The following ATP2A2 variants were observed in gnomAD, a reference collection of about 807,000 sequenced individuals.
ATP2A2 encodes sarcoplasmic/endoplasmic reticulum calcium ATPase 2.
A neutral mutation model predicts 109.3 loss-of-function variants in ATP2A2; 14 were observed. The ratio of observed to expected loss-of-function variants is 0.13; its 90% CI spans 0.08 to 0.20. The LOEUF is 0.20. Among genes scored for constraint, ATP2A2 ranks in the 10% least tolerant of loss-of-function variants. The probability of loss-of-function intolerance (pLI) is 1.00; values close to 1 mark genes in which losing one functional copy is unlikely to be tolerated. For missense variants in ATP2A2, 657 were observed against 1,321.6 expected (o/e 0.50, Z 7.80); for synonymous variants, 506 against 490.9 (o/e 1.03, Z -0.41).
Position 110,349,820 on chromosome 12 carries a change from A to G in ATP2A2, c.*3350A>G, listed in dbSNP as rs904445335. On this transcript the variant is annotated 3_prime_UTR_variant, in exon 20 of 20. Coordinates refer to ENST00000539276, the MANE Select transcript of ATP2A2 (RefSeq NM_170665.4). ...GGGTAGGCTTCACCCTCCTTTACTG[A>G]GGAGAATGATGCGGAGGAGTTTCCT... 59 of 1,040,596 alleles carry G rather than the reference A, an allele frequency of 5.7e-5. No homozygotes were observed. The highest frequency in any genetic ancestry group is 6.7e-5 in the Non-Finnish European group (58 of 862,960). 64.5% of individuals were successfully genotyped at this position (1,040,596 alleles called of 1,614,324 possible).
Position 110,349,470 on chromosome 12 carries a change from C to A in ATP2A2, c.*3000C>A. On this transcript the variant is annotated 3_prime_UTR_variant, in exon 20 of 20. Transcript: ENST00000539276. Reference sequence around the variant, plus strand: ...AGACCAACAATCATACATACCCTAACTGGGACACCACTCTGCAGAATGCAG... The same window carrying A: ...AGACCAACAATCATACATACCCTAAATGGGACACCACTCTGCAGAATGCAG... 3.0e-6 allele frequency: 3 copies of A among 985,570 alleles called. No individual in the cohort carries two copies. The highest frequency in any genetic ancestry group is 3.6e-6 in the Non-Finnish European group (3 of 830,016). The allele number at this position is 985,570 out of a possible 1,614,324, so 61.1% of individuals were successfully genotyped here.
At chr12:110,338,775 C>G (rs1338485197) in intron 11 of ATP2A2, among the ~76,000 whole-genome samples, 1 of 152,198 alleles carries the variant, frequency 6.6e-6, no homozygotes, top group African/African-American at 2.4e-5. Context: ...TCTTAAAAGC[C>G]AAATGCCCCA....
At chr12:110,291,107 C>T (rs545569754) in intron 3 of ATP2A2, among the ~76,000 whole-genome samples, 6 of 152,166 alleles carry the variant, frequency 3.9e-5, no homozygotes, top group African/African-American at 1.2e-4. Context: ...AGGGTTTCTT[C>T]GTGTTGGTCA....
At chr12:110,298,971 CT>C (rs918130473) in intron 5 of ATP2A2, among the ~76,000 whole-genome samples, 1 of 152,056 alleles carries the variant, frequency 6.6e-6, no homozygotes, top group African/African-American at 2.4e-5. Flanking sequence ...CCAGTTATCA[CT>C]TTTTTTGATG....
In ATP2A2 at chr12:110,296,757, TTTC is replaced by T. The variant is rs781332207; in HGVS notation, c.463+23_463+25del. On this transcript the variant is annotated intron_variant, in intron 5 of 19. Transcript: ENST00000539276. Reference sequence around the variant, plus strand: ...TTGCTGGTGAGTTGAGTTTGTCATTTTTCTTTTATTCTAGATAGTATTTCTGAA... The same window carrying T: ...TTGCTGGTGAGTTGAGTTTGTCATTTTTTTATTCTAGATAGTATTTCTGAA... 4.3e-6 allele frequency: 7 copies of T among 1,613,402 alleles called. No homozygotes were observed. Among genetic ancestry groups the T allele is most frequent in the Admixed American group, 3.3e-5 (2 of 60,028 alleles).
At chr12:110,330,965 T>G (rs569646169) in intron 8 of ATP2A2, 2 of 152,348 alleles carry the variant, frequency 1.3e-5, no homozygotes, top group South Asian at 4.1e-4. Flanking sequence ...CATTTTTGGC[T>G]GGGCACAGTG....
rs1006107761 is a variant in ATP2A2 at position 110,311,355 on chromosome 12, G to A, written c.464-11637G>A. Reference sequence around the variant, plus strand: ...CTGTAATCCCAGGTCTTTGGGAGGCGGAGGCGGGTGGATCACAAGATCAGG... The same window carrying A: ...CTGTAATCCCAGGTCTTTGGGAGGCAGAGGCGGGTGGATCACAAGATCAGG... On this transcript the variant is annotated intron_variant, in intron 5 of 19. Coordinates refer to ENST00000539276, the MANE Select transcript of ATP2A2 (RefSeq NM_170665.4). Among the ~76,000 whole-genome samples the A allele has an allele frequency of 3.3e-5, 5 of 152,012 alleles. No homozygotes were observed. In the South Asian group the frequency reaches 6.2e-4, roughly 19 times the overall value.
At chr12:110,289,131 T>A (rs535966703) in intron 3 of ATP2A2, among the ~76,000 whole-genome samples, 1 of 152,334 alleles carries the variant, frequency 6.6e-6, no homozygotes, top group Non-Finnish European at 1.5e-5. Context: ...CAGGGGATGT[T>A]GCTTTAAGTT....
chr12:110,344,856 G>T, intron 16 of ATP2A2, 30 bp from the exon 17 acceptor site: 1 of 1,608,698 alleles, frequency 6.2e-7, no homozygotes, highest in Non-Finnish European at 8.5e-7. Flanking sequence ...GCAGAGGCAA[G>T]TGCATCAGCA....
chr12:110,290,986 G>A (rs143260994), intron 3 of ATP2A2, among the ~76,000 whole-genome samples: 31 of 151,908 alleles, frequency 2.0e-4, no homozygotes, highest in African/African-American at 7.0e-4. Context: ...TTGGCTCACC[G>A]CAACCTCTGC....
chr12:110,318,232 T>C (rs1876872944), intron 5 of ATP2A2, among the ~76,000 whole-genome samples: 1 of 152,218 alleles, frequency 6.6e-6, no homozygotes, highest in South Asian at 2.1e-4. Context: ...ACCTTTACTT[T>C]CATGAACCTT....
In ATP2A2 at chr12:110,340,492, T is replaced by C. The variant is rs1041115720; in HGVS notation, c.1762-167T>C. ...GGCGGAGGTCGCAGTGAGCTGAGAT[T>C]GCGCCATGGCACTCCAGCCTGGGCA... On this transcript the variant is annotated intron_variant, in intron 13 of 19. Transcript: ENST00000539276. This position sits in a 1 kb window ranked among gnomAD's most constrained non-coding sequence, Gnocchi z 6.0. 1.4e-5 allele frequency among the ~76,000 whole-genome samples: 2 copies of C among 147,682 alleles called. No individual in the cohort carries two copies. The highest frequency in any genetic ancestry group is 1.4e-4 in the Admixed American group (2 of 14,644).
rs117376088 is a variant in ATP2A2 at position 110,348,750 on chromosome 12, G to T, written c.*2280G>T. On this transcript the variant is annotated 3_prime_UTR_variant, in exon 20 of 20. Coordinates refer to ENST00000539276, the MANE Select transcript of ATP2A2 (RefSeq NM_170665.4). ...AAGCCTCCAAGGCTGCTCGCAGGCA[G>T]CTGTGGCTCTCGGGAAGGGAGGCTG... The T allele has an allele frequency of 5.8e-3, 5,712 of 985,510 alleles. 15 individuals carry two copies. Among genetic ancestry groups the T allele is most frequent in the Non-Finnish European group, 6.5e-3 (5,418 of 829,994 alleles). 61.0% of individuals were successfully genotyped at this position (985,510 alleles called of 1,614,324 possible). A position where few individuals can be genotyped will look rare whatever the true frequency, so the allele number is the denominator to read the frequency against.
intron 5 of ATP2A2, among the ~76,000 whole-genome samples, chr12:110,321,768 A>G (rs1235793138): frequency 6.6e-6 from 1 of 152,120 alleles, no homozygotes; most frequent in Admixed American, 6.5e-5. Context: ...ATTCAGCAGT[A>G]TTTGAATACC....
chr12:110,286,371 C>A (rs1315294199), intron 3 of ATP2A2, among the ~76,000 whole-genome samples: 1 of 152,150 alleles, frequency 6.6e-6, no homozygotes, highest in Non-Finnish European at 1.5e-5. Context: ...TAATTTTCTT[C>A]TGTATCTTTT....
chr12:110,341,094 G>A, intron 14 of ATP2A2, 100 bp downstream of exon 14: 1 of 1,298,694 alleles, frequency 7.7e-7, no homozygotes, highest in Non-Finnish European at 1.1e-6. Context: ...TCCCTAATTT[G>A]GAATTTGTCA....
At chr12:110,287,689 A>G (rs1047238382) in intron 3 of ATP2A2, among the ~76,000 whole-genome samples, 3 of 152,040 alleles carry the variant, frequency 2.0e-5, no homozygotes, top group African/African-American at 4.8e-5. Context: ...ATCTTGGCTC[A>G]CTGCAACCTC....
intron 3 of ATP2A2, among the ~76,000 whole-genome samples, chr12:110,287,242 G>A (rs1404677750): frequency 6.6e-6 from 1 of 152,064 alleles, no homozygotes; most frequent in East Asian, 1.9e-4. Flanking sequence ...GACAAAGTGA[G>A]ACTCCGTCTC....
intron 5 of ATP2A2, among the ~76,000 whole-genome samples, chr12:110,313,522 C>G (rs1221079903): frequency 1.3e-5 from 2 of 151,310 alleles, no homozygotes; most frequent in African/African-American, 4.9e-5. Context: ...ACCATGTTAG[C>G]CAGGCTGGTC....
Sources: allele counts gnomAD v4.1 joint callset (sites outside exome capture counted in the v4.1 genomes callset), GRCh38; gene constraint gnomAD v4.1.1; non-coding constraint Gnocchi (gnomAD v3.1); transcripts MANE v1.5; gene names NCBI Gene and HGNC (gene_info 2026-07-23, HGNC 2026-07-21).